AXDND1: variants seen among roughly 807,000 people sequenced by gnomAD.
AXDND1 encodes the protein axonemal dynein light chain domain-containing protein 1.
Under a neutral mutation model 137.5 loss-of-function variants are expected in AXDND1, and 110 were observed. The ratio of observed to expected loss-of-function variants is 0.80; its 90% CI spans 0.69 to 0.94. The LOEUF (loss-of-function observed/expected upper bound fraction) is 0.94, where lower values mean the gene tolerates loss of function less well. Among genes scored for constraint, AXDND1 ranks in the 40% least tolerant of loss-of-function variants. The probability of loss-of-function intolerance (pLI) is 0.00; values close to 1 mark genes in which losing one functional copy is unlikely to be tolerated. For synonymous variants in AXDND1, 414 were observed against 399.7 expected, an observed-to-expected ratio of 1.04 and a Z score of -0.43; for missense variants, 1,191 against 1,169.8, an observed-to-expected ratio of 1.02 and a Z score of -0.26.
At chr1:179,396,300 G>T (rs1651052856) in intron 11 of AXDND1, among the ~76,000 whole-genome samples, 1 of 151,756 alleles carries the variant, frequency 6.6e-6, no homozygotes, top group Admixed American at 6.6e-5. Flanking sequence ...TCAATAGTTG[G>T]TATGTAACTT....
rs578078400 is a variant in AXDND1 at position 179,440,552 on chromosome 1, C to G, written c.1564-4418C>G. Among the ~76,000 whole-genome samples the G allele has an allele frequency of 1.5e-4, 23 of 152,292 alleles. No individual in the cohort carries two copies. The South Asian group carries it at 4.1e-3, about 27-fold the overall frequency. On this transcript the variant is annotated intron_variant, in intron 15 of 25. Coordinates refer to ENST00000367618, the MANE Select transcript of AXDND1 (RefSeq NM_144696.6). Reference sequence around the variant, plus strand: ...CAAGTAGGACTGGCTTGTATTATAGCCCTAGCTTGGCTGTGACATAAATGG... The same window carrying G: ...CAAGTAGGACTGGCTTGTATTATAGGCCTAGCTTGGCTGTGACATAAATGG...
At chr1:179,541,887 T>G (rs1301312891) in intron 25 of AXDND1, among the ~76,000 whole-genome samples, 1 of 152,174 alleles carries the variant, frequency 6.6e-6, no homozygotes, top group African/African-American at 2.4e-5. Context: ...TACATAAATA[T>G]TACACAACTA....
chr1:179,492,939 G>A lies in AXDND1; in HGVS notation c.2376G>A (p.Val792=). ...ATGCTACTGAAGACCTTTATGAGGT[G>A]GATAAGTTGAAGGTAATAACTCTGT... ...HKNATEDLYE[V]DKLKKECYEW... The change falls in exon 20 of 26, where the codon GTG becomes GTA. Residue 792 remains valine, a synonymous_variant. Coordinates refer to ENST00000367618, the MANE Select transcript of AXDND1 (RefSeq NM_144696.6). The A allele has an allele frequency of 1.9e-6, 3 of 1,601,366 alleles. No homozygotes were observed. The highest frequency in any genetic ancestry group is 2.6e-6 in the Non-Finnish European group (3 of 1,172,874).
Position 179,378,642 on chromosome 1 carries a change from T to C in AXDND1, c.380T>C (p.Ile127Thr). 4.4e-6 allele frequency: 7 copies of C among 1,575,954 alleles called. No homozygotes were observed. The highest frequency in any genetic ancestry group is 1.3e-5 in the African/African-American group (1 of 74,188). ...PVSLTGAGRD[I>T]SFLYDVTYAK... ...ATATTTTTCTTACTTTTTAGGGATA[T>C]TTCTTTTCTGTACGATGTAACATAT... Residue 127 changes from isoleucine (I) to threonine (T), a missense_variant, in exon 5 of 26, where the codon ATT (isoleucine) becomes ACT (threonine). By Grantham distance (89) the Ile-to-Thr change is moderately conservative. Coordinates refer to ENST00000367618, the MANE Select transcript of AXDND1 (RefSeq NM_144696.6).
At chr1:179,526,007 A>G (rs2125687839) in intron 22 of AXDND1, among the ~76,000 whole-genome samples, 1 of 152,118 alleles carries the variant, frequency 6.6e-6, no homozygotes, top group Non-Finnish European at 1.5e-5. Context: ...GCCATTTCCC[A>G]TTAGCCTCAT....
chr1:179,484,561 A>G (rs998193021), intron 18 of AXDND1, among the ~76,000 whole-genome samples: 2 of 152,088 alleles, frequency 1.3e-5, no homozygotes, highest in African/African-American at 4.8e-5. Context: ...CTGGCAGACC[A>G]TGCCTGACCA....
chr1:179,437,084 A>T (rs1361973557), intron 15 of AXDND1, among the ~76,000 whole-genome samples: 2 of 151,754 alleles, frequency 1.3e-5, no homozygotes, highest in Non-Finnish European at 2.9e-5. Flanking sequence ...AAAAAAAAAA[A>T]AAAGGAAAGA....
chr1:179,375,798 C>T (rs1242480968), intron 4 of AXDND1, among the ~76,000 whole-genome samples: 1 of 152,132 alleles, frequency 6.6e-6, no homozygotes, highest in Non-Finnish European at 1.5e-5. Flanking sequence ...GAGAAAGAAT[C>T]CGGAGGATTG....
chr1:179,489,170 A>G (rs1246984557), intron 18 of AXDND1, among the ~76,000 whole-genome samples: 1 of 152,220 alleles, frequency 6.6e-6, no homozygotes, highest in Non-Finnish European at 1.5e-5. Flanking sequence ...AGAATTTTAT[A>G]TAAGAATCAC....
Position 179,378,768 on chromosome 1 carries a change from T to A in AXDND1, c.495+11T>A, listed in dbSNP as rs781245244. 8.7e-6 allele frequency: 13 copies of A among 1,492,068 alleles called. No homozygotes were observed. The highest frequency in any genetic ancestry group is 2.1e-5 in the Admixed American group (1 of 48,512). The allele number at this position is 1,492,068 out of a possible 1,614,324, so 92.4% of individuals were successfully genotyped here. On this transcript the variant is annotated intron_variant, in intron 5 of 25. Transcript: ENST00000367618. ...ATTGTGCCCCATAAGGTAAATAAAG[T>A]ATTTGACAAATAATCTTCTCTCCCT...
At chr1:179,515,372 T>A (rs1264224575) in intron 21 of AXDND1, among the ~76,000 whole-genome samples, 2 of 152,128 alleles carry the variant, frequency 1.3e-5, no homozygotes, top group Non-Finnish European at 2.9e-5. Flanking sequence ...CTGATAATTG[T>A]TTTGTTTGAG....
At chr1:179,391,014 C>T (rs576699831) in intron 9 of AXDND1, among the ~76,000 whole-genome samples, 9 of 151,958 alleles carry the variant, frequency 5.9e-5, no homozygotes, top group African/African-American at 2.2e-4. Context: ...CCATGTTGGT[C>T]AGGCTGGTCT....
intron 21 of AXDND1, among the ~76,000 whole-genome samples, chr1:179,521,953 C>G (rs1384292024): frequency 1.3e-5 from 2 of 151,968 alleles, no homozygotes; most frequent in Non-Finnish European, 2.9e-5. Flanking sequence ...TTTGTCTTTG[C>G]TCTGATTAAT....
At chr1:179,545,415 T>G (rs1672552452) in intron 25 of AXDND1, 1 of 152,204 alleles carries the variant, frequency 6.6e-6, no homozygotes, top group African/African-American at 2.4e-5. Flanking sequence ...TTCCTTAGTA[T>G]ATACCTAAGA....
At chr1:179,369,804 A>G (rs901861009) in intron 3 of AXDND1, among the ~76,000 whole-genome samples, 171 bp from the exon 4 acceptor site, 2 of 152,224 alleles carry the variant, frequency 1.3e-5, no homozygotes, top group African/African-American at 2.4e-5. Context: ...TCACTATAGA[A>G]TTATTCTAGT....
intron 25 of AXDND1, chr1:179,550,561 G>A (rs1211634229): frequency 2.0e-5 from 3 of 152,426 alleles, no homozygotes; most frequent in African/African-American, 7.2e-5. Flanking sequence ...GCTTTAATTA[G>A]GGATAAATTG....
intron 11 of AXDND1, 52 bp downstream of exon 11, chr1:179,395,254 A>C: frequency 7.2e-7 from 1 of 1,396,858 alleles, no homozygotes. Flanking sequence ...GAAGAAGCTT[A>C]TATAGCTTCT....
chr1:179,436,064 T>C (rs186957949), intron 15 of AXDND1, among the ~76,000 whole-genome samples: 1 of 152,214 alleles, frequency 6.6e-6, no homozygotes, highest in Non-Finnish European at 1.5e-5. Flanking sequence ...AGAAGACATT[T>C]ATGTGGCCAA....
At chr1:179,377,143 G>A (rs1401713950) in intron 4 of AXDND1, among the ~76,000 whole-genome samples, 1 of 152,092 alleles carries the variant, frequency 6.6e-6, no homozygotes, top group Admixed American at 6.5e-5. Context: ...TATTGGTCAG[G>A]TTGGCCACAA....
Sources: gnomAD v4.1 joint callset for allele counts (sites outside exome capture counted in the v4.1 genomes callset) on GRCh38, gnomAD v4.1.1 for gene constraint, MANE v1.5 for transcripts, NCBI Gene and HGNC (gene_info 2026-07-23, HGNC 2026-07-21) for gene names.